RPS6KB1: variants seen among roughly 807,000 people sequenced by gnomAD.
RPS6KB1 encodes the protein ribosomal protein S6 kinase beta-1.
A neutral mutation model predicts 70.2 loss-of-function variants in RPS6KB1; 12 were observed. The ratio of observed to expected loss-of-function variants is 0.17; its 90% CI spans 0.11 to 0.28. The LOEUF (loss-of-function observed/expected upper bound fraction) is 0.28. RPS6KB1 is among the 10% of genes least tolerant of loss of function. The probability of loss-of-function intolerance (pLI) is 1.00; values close to 1 mark genes in which losing one functional copy is unlikely to be tolerated. For missense variants in RPS6KB1, 270 were observed against 646.6 expected (o/e 0.42, Z 6.32); for synonymous variants, 175 against 211.2 (o/e 0.83, Z 1.49).
intron 1 of RPS6KB1, among the ~76,000 whole-genome samples, chr17:59,908,283 C>A (rs1473190154): frequency 1.3e-5 from 2 of 151,310 alleles, no homozygotes; most frequent in Non-Finnish European, 2.9e-5. Flanking sequence ...ACCTTTGCCT[C>A]CCGTATCCAA....
At chr17:59,920,464 G>A (rs2043204730) in intron 4 of RPS6KB1, among the ~76,000 whole-genome samples, 1 of 152,188 alleles carries the variant, frequency 6.6e-6, no homozygotes, top group Non-Finnish European at 1.5e-5. Flanking sequence ...CAGTTTGAAA[G>A]CTGAGGAACA....
intron 12 of RPS6KB1, among the ~76,000 whole-genome samples, chr17:59,936,890 A>C (rs1568489222): frequency 6.6e-6 from 1 of 152,036 alleles, no homozygotes; most frequent in Non-Finnish European, 1.5e-5. Context: ...ATGGGGTCTC[A>C]CTCTGTCACC....
chr17:59,901,535 A>G (rs1388781511), intron 1 of RPS6KB1, among the ~76,000 whole-genome samples: 1 of 150,158 alleles, frequency 6.7e-6, no homozygotes, highest in Admixed American at 6.7e-5. Context: ...TACGCCTGTA[A>G]TCCCAGTACT....
Position 59,934,926 on chromosome 17 carries a change from C to T in RPS6KB1, c.871-267C>T, listed in dbSNP as rs538697648. The T allele has an allele frequency of 6.4e-4, 248 of 388,424 alleles. No homozygotes were observed. The highest frequency in any genetic ancestry group is 4.6e-3 in the African/African-American group (224 of 48,806). The allele number at this position is 388,424 out of a possible 1,614,324, so 24.1% of individuals were successfully genotyped here. ...CGTCTGCCGGCCACAGTGGTGCATG[C>T]CTGTAGCCTAAGCTACTCAGGAGGC... On this transcript the variant is annotated intron_variant, in intron 9 of 14. Transcript: ENST00000225577. The surrounding 1 kb of genome is among the most constrained non-coding windows in gnomAD (Gnocchi z 4.8).
Position 59,936,564 on chromosome 17 carries a change from A to G in RPS6KB1, c.1119+23A>G, listed in dbSNP as rs9913441. On this transcript the variant is annotated intron_variant, in intron 12 of 14. Transcript: ENST00000225577. ...TTGGTAAGTATACATGAAAGTGTAT[A>G]ATTGGGTGCAGTGGCTCACGCCTGT... is the stretch of plus-strand genomic sequence containing the variant. The G allele has an allele frequency of 7.2e-3, 11,427 of 1,593,380 alleles. 655 individuals are homozygous for G. In the African/African-American group the frequency reaches 0.13, roughly 18 times the overall value.
intron 4 of RPS6KB1, among the ~76,000 whole-genome samples, chr17:59,916,614 A>T (rs2042977770): frequency 6.6e-6 from 1 of 152,206 alleles, no homozygotes; most frequent in Non-Finnish European, 1.5e-5. Flanking sequence ...GGCATATCTT[A>T]GGAACTTTCT....
Position 59,946,947 on chromosome 17 carries a change from A to C in RPS6KB1, c.*159A>C. 5 of 1,466,918 alleles carry C rather than the reference A, an allele frequency of 3.4e-6. No individual in the cohort carries two copies. Among genetic ancestry groups the C allele is most frequent in the Non-Finnish European group, 3.6e-6 (4 of 1,113,182 alleles). The allele number at this position is 1,466,918 out of a possible 1,614,324, so 90.9% of individuals were successfully genotyped here. A position where few individuals can be genotyped will look rare whatever the true frequency, so the allele number is the denominator to read the frequency against. On this transcript the variant is annotated 3_prime_UTR_variant, in exon 15 of 15. Coordinates refer to ENST00000225577, the MANE Select transcript of RPS6KB1 (RefSeq NM_003161.4). This position sits in a 1 kb window ranked among gnomAD's most constrained non-coding sequence, Gnocchi z 4.2. ...GAAAAATAAACGTGGATTTTAAAAA[A>C]TCAATCAATGGTGCAAAAAAAAACT...
intron 1 of RPS6KB1, among the ~76,000 whole-genome samples, chr17:59,895,660 T>A (rs923819077): frequency 6.7e-6 from 1 of 150,284 alleles, no homozygotes; most frequent in African/African-American, 2.5e-5. Flanking sequence ...TGAGATGGAG[T>A]CTCACTGTGT....
intron 4 of RPS6KB1, among the ~76,000 whole-genome samples, chr17:59,921,468 C>T (rs948415420): frequency 6.6e-6 from 1 of 152,172 alleles, no homozygotes; most frequent in African/African-American, 2.4e-5. Context: ...TTCCTTCCTT[C>T]TGATTTTAAT....
intron 1 of RPS6KB1, among the ~76,000 whole-genome samples, chr17:59,900,851 A>C (rs2041893052): frequency 6.6e-6 from 1 of 151,898 alleles, no homozygotes; most frequent in African/African-American, 2.4e-5. Flanking sequence ...GCCATCACCA[A>C]AATTAGGTTT....
At chr17:59,936,315 A>C (rs752211496) in intron 11 of RPS6KB1, 38 bp downstream of exon 11, 14 of 1,565,162 alleles carry the variant, frequency 8.9e-6, no homozygotes, top group Non-Finnish European at 1.1e-5. Context: ...TGGGGAAGAT[A>C]ATGCTAGTTT....
chr17:59,898,447 C>CT (rs903866261), intron 1 of RPS6KB1, among the ~76,000 whole-genome samples: 19 of 151,724 alleles, frequency 1.3e-4, no homozygotes, highest in South Asian at 2.1e-4. Context: ...AAAGCAGCAA[C>CT]TTTTTTTTAT....
chr17:59,935,436 G>A, intron 10 of RPS6KB1, 136 bp downstream of exon 10: 1 of 524,114 alleles, frequency 1.9e-6, no homozygotes, highest in Non-Finnish European at 3.4e-6. Context: ...TGAAGGCGAA[G>A]TACAGATTTG....
At chr17:59,923,435 C>T (rs1468300077) in intron 4 of RPS6KB1, among the ~76,000 whole-genome samples, 2 of 152,018 alleles carry the variant, frequency 1.3e-5, no homozygotes, top group Non-Finnish European at 2.9e-5. Context: ...CATGGTGATC[C>T]GCCTGCCTCG....
At chr17:59,914,762 C>T (rs934493071) in intron 4 of RPS6KB1, 59 bp downstream of exon 4, 1 of 1,221,868 alleles carries the variant, frequency 8.2e-7, no homozygotes, top group Non-Finnish European at 1.2e-6. Flanking sequence ...TTGATCTCAG[C>T]CAAAAGGCTG....
intron 4 of RPS6KB1, among the ~76,000 whole-genome samples, chr17:59,917,623 A>T (rs2043032807): frequency 6.6e-6 from 1 of 152,006 alleles, no homozygotes; most frequent in Non-Finnish European, 1.5e-5. Flanking sequence ...TGTTTCGTAG[A>T]GACAAGGTCT....
rs2045146123 is a variant in RPS6KB1, at chr17:59,950,385, G to A, written c.*3597G>A. Reference sequence around the variant, plus strand: ...TGTATTATTTGATTTCGGATTGAATGAATGTAAATAGAAATTAAATGCAAA... The same window carrying A: ...TGTATTATTTGATTTCGGATTGAATAAATGTAAATAGAAATTAAATGCAAA... On this transcript the variant is annotated 3_prime_UTR_variant, in exon 15 of 15. Coordinates refer to ENST00000225577, the MANE Select transcript of RPS6KB1 (RefSeq NM_003161.4). The A allele has an allele frequency of 6.6e-6, 1 of 152,568 alleles. No individual in the cohort carries two copies. The highest frequency in any genetic ancestry group is 1.5e-5 in the Non-Finnish European group (1 of 67,972). 9.5% of individuals were successfully genotyped at this position (152,568 alleles called of 1,614,324 possible).
chr17:59,914,815 C>A, intron 4 of RPS6KB1, 112 bp downstream of exon 4: 1 of 907,528 alleles, frequency 1.1e-6, no homozygotes, highest in Non-Finnish European at 1.7e-6. Context: ...AACATTTTGG[C>A]CTAAAATTTG....
intron 12 of RPS6KB1, among the ~76,000 whole-genome samples, chr17:59,939,944 T>A (rs1485181068): frequency 1.3e-5 from 2 of 152,214 alleles, no homozygotes; most frequent in Non-Finnish European, 2.9e-5. Flanking sequence ...TAAATAAATC[T>A]CATGGTTAGA....
Sources: allele counts gnomAD v4.1 joint callset (sites outside exome capture counted in the v4.1 genomes callset), GRCh38; gene constraint gnomAD v4.1.1; non-coding constraint Gnocchi (gnomAD v3.1); transcripts MANE v1.5; gene names NCBI Gene and HGNC (gene_info 2026-07-23, HGNC 2026-07-21).